GALNT9: variants seen among roughly 807,000 people sequenced by gnomAD.
GALNT9 encodes polypeptide N-acetylgalactosaminyltransferase 9, also known as GalNAc transferase 9.
GALNT9 carries 47 observed loss-of-function variants against 63.1 expected under a neutral mutation model. The observed-to-expected ratio is 0.75, with a 90% CI of 0.59 to 0.95. GALNT9 has a LOEUF of 0.95. Among genes scored for constraint, GALNT9 ranks in the 40% least tolerant of loss-of-function variants. GALNT9 has a pLI of 0.00. For missense variants in GALNT9, 829 were observed against 874.8 expected (o/e 0.95, Z 0.66); for synonymous variants, 396 against 365.7 (o/e 1.08, Z -0.94).
rs868969824 is a variant in GALNT9, at chr12:132,291,355, T to A, written c.239-4925A>T. 6.2e-4 allele frequency among the ~76,000 whole-genome samples: 33 copies of A among 53,472 alleles called. 1 individual carries two copies. Among genetic ancestry groups the A allele is most frequent in the African/African-American group, 4.1e-3 (26 of 6,406 alleles). 35.1% of individuals were successfully genotyped at this position (53,472 alleles called of 152,430 possible). A position where few individuals can be genotyped will look rare whatever the true frequency, so the allele number is the denominator to read the frequency against. ...AGCACCCACAACCACAGCACCCACG[T>A]CCACAGCACCCACGTCCACAGCACC... On this transcript the variant is annotated intron_variant, in intron 1 of 10. Transcript: ENST00000328957.
chr12:132,312,725 G>T (rs1394291618), intron 1 of GALNT9, among the ~76,000 whole-genome samples: 1 of 152,190 alleles, frequency 6.6e-6, no homozygotes, highest in African/African-American at 2.4e-5. Context: ...GAAGCCCCCA[G>T]TGGAGTCCAG....
chr12:132,231,137 A>G lies in GALNT9; in HGVS notation c.1077+16773T>C, dbSNP rs1474678722. 6.9e-5 allele frequency among the ~76,000 whole-genome samples: 6 copies of G among 87,246 alleles called. No individual in the cohort carries two copies. The Admixed American group carries it at 7.1e-4, about 10-fold the overall frequency. 57.2% of individuals were successfully genotyped at this position (87,246 alleles called of 152,430 possible). On this transcript the variant is annotated intron_variant, in intron 6 of 10. Transcript: ENST00000328957. ...ACTGCCACACACTCCATGGGGCGAC[A>G]GAGGAGACAGCGTGGAGCCCCTAGT... is the stretch of plus-strand genomic sequence containing the variant.
chr12:132,203,899 G>A (rs576683180), intron 6 of GALNT9, among the ~76,000 whole-genome samples: 4 of 152,100 alleles, frequency 2.6e-5, no homozygotes, highest in Non-Finnish European at 4.4e-5. Flanking sequence ...TCTGGGTTGC[G>A]TCCTCTCTGG....
In GALNT9 at chr12:132,319,693, C is replaced by T. The variant is rs149182765; in HGVS notation, c.238+9273G>A. On this transcript the variant is annotated intron_variant, in intron 1 of 10. Transcript: ENST00000328957. The surrounding 1 kb of genome is among the most constrained non-coding windows in gnomAD (Gnocchi z 5.2). ...TCTGGGGCAGGTCAACACCCCACTCCGCCACACACACAGCTGTACCCGGCA... is the reference window on the plus strand; with the variant it reads ...TCTGGGGCAGGTCAACACCCCACTCTGCCACACACACAGCTGTACCCGGCA... Among the ~76,000 whole-genome samples the T allele has an allele frequency of 2.0e-5, 3 of 152,314 alleles. No homozygotes were observed. The highest frequency in any genetic ancestry group is 2.0e-4 in the Admixed American group (3 of 15,304).
chr12:132,273,254 C>G (rs1200915488), intron 2 of GALNT9: 1 of 152,438 alleles, frequency 6.6e-6, no homozygotes, highest in Non-Finnish European at 1.5e-5. Context: ...TCCCGAGTAG[C>G]TGAGATTACA....
intron 6 of GALNT9, among the ~76,000 whole-genome samples, chr12:132,243,269 A>G (rs1380593456): frequency 5.5e-4 from 61 of 110,018 alleles, no homozygotes; most frequent in South Asian, 1.4e-3. Context: ...TATACCCATT[A>G]CACACACAAC....
At position 132,329,296 on chromosome 12, in the gene GALNT9, C is replaced by T; in HGVS notation, c.-93G>A. On this transcript the variant is annotated 5_prime_UTR_variant, in exon 1 of 11. Transcript: ENST00000328957. The stretch of plus-strand genomic sequence containing the variant: ...AGCTTCGGCTTCGGGGACCATGAGC[C>T]GCCCGGGGCTGCGGGGGCTGCGGGG... 3.4e-6 allele frequency: 5 copies of T among 1,458,656 alleles called. No individual in the cohort carries two copies. The highest frequency in any genetic ancestry group is 4.5e-6 in the Non-Finnish European group (5 of 1,101,198). The allele number at this position is 1,458,656 out of a possible 1,614,324, so 90.4% of individuals were successfully genotyped here.
chr12:132,303,471 CCTCACCCGGGCA>C (rs1881402856), intron 1 of GALNT9, among the ~76,000 whole-genome samples: 2 of 127,100 alleles, frequency 1.6e-5, no homozygotes, highest in African/African-American at 6.0e-5. Flanking sequence ...CCGGACACAC[CCTCACCCGGGCA>C]CAGAATCGCC....
At chr12:132,239,595 G>T (rs1422380099) in intron 6 of GALNT9, among the ~76,000 whole-genome samples, 1 of 151,632 alleles carries the variant, frequency 6.6e-6, no homozygotes, top group Non-Finnish European at 1.5e-5. Context: ...CAGAGAGACA[G>T]AGAGAGACAC....
chr12:132,297,337 C>T (rs568635808), intron 1 of GALNT9, among the ~76,000 whole-genome samples: 1 of 151,790 alleles, frequency 6.6e-6, no homozygotes, highest in South Asian at 2.1e-4. Flanking sequence ...AGATGACCAA[C>T]TCACTCCCAA....
intron 6 of GALNT9, chr12:132,240,713 G>A (rs1209304711): frequency 6.6e-6 from 3 of 455,744 alleles, no homozygotes; most frequent in Admixed American, 2.4e-5. Flanking sequence ...TTATCTTGCT[G>A]GAACCCTTCT....
intron 5 of GALNT9, among the ~76,000 whole-genome samples, chr12:132,253,169 A>G (rs576301493): frequency 1.3e-5 from 2 of 152,312 alleles, no homozygotes; most frequent in South Asian, 2.1e-4. Flanking sequence ...ACGAACTCCA[A>G]AGAGGAACCA....
At chr12:132,261,692 G>A (rs2135544775) in intron 3 of GALNT9, among the ~76,000 whole-genome samples, 1 of 152,366 alleles carries the variant, frequency 6.6e-6, no homozygotes, top group African/African-American at 2.4e-5. Context: ...ACAGCCCCAT[G>A]GCACAGCCTC....
chr12:132,264,613 G>C (rs996414055), intron 2 of GALNT9, among the ~76,000 whole-genome samples: 1 of 152,240 alleles, frequency 6.6e-6, no homozygotes, highest in African/African-American at 2.4e-5. Flanking sequence ...CCTTCCAGGG[G>C]TTTGAGTCCA....
chr12:132,201,953 A>C (rs954822320), intron 7 of GALNT9, among the ~76,000 whole-genome samples: 1 of 152,180 alleles, frequency 6.6e-6, no homozygotes, highest in Non-Finnish European at 1.5e-5. Flanking sequence ...GCCCTGAGGG[A>C]GCACCTGCAC....
chr12:132,261,071 A>G lies in GALNT9; in HGVS notation c.638T>C (p.Leu213Pro). The change falls in exon 4 of 11, where the codon CTC (leucine) becomes CCC (proline). Residue 213 changes from leucine to proline, a missense_variant. Physicochemically the swap from Leu to Pro is moderately conservative, Grantham distance 98 (BLOSUM62 -3). Transcript: ENST00000328957. Reference protein sequence around the residue: ...DQYVNKRYPGLVKIVRNSRRE... With the variant: ...DQYVNKRYPGPVKIVRNSRRE... ...CCGGCTGTTGCGGACAATCTTCACGAGGCCTGGGTACCGCTTGTTGACGTA... is the reference window on the plus strand; with the variant it reads ...CCGGCTGTTGCGGACAATCTTCACGGGGCCTGGGTACCGCTTGTTGACGTA... The G allele has an allele frequency of 6.4e-7, 1 of 1,551,572 alleles. No homozygotes were observed. The highest frequency in any genetic ancestry group is 1.7e-4 in the Middle Eastern group (1 of 5,992).
chr12:132,276,380 C>T (rs569826046), intron 2 of GALNT9: 9 of 155,224 alleles, frequency 5.8e-5, no homozygotes, highest in Middle Eastern at 5.2e-4. Context: ...CCTATCTCCA[C>T]GATGGTACCT....
chr12:132,326,285 T>C (rs556909338), intron 1 of GALNT9, among the ~76,000 whole-genome samples: 1 of 152,382 alleles, frequency 6.6e-6, no homozygotes, highest in Admixed American at 6.5e-5. Context: ...TATGTGCAAC[T>C]GAAGATATTC....
intron 6 of GALNT9, among the ~76,000 whole-genome samples, chr12:132,243,738 A>T (rs1445449258): frequency 2.0e-5 from 3 of 152,002 alleles, no homozygotes; most frequent in Non-Finnish European, 4.4e-5. Flanking sequence ...GGCTCTCCCC[A>T]ACATGCCACC....
Sources: gnomAD v4.1 joint callset for allele counts (sites outside exome capture counted in the v4.1 genomes callset) on GRCh38, gnomAD v4.1.1 for gene constraint, Gnocchi (gnomAD v3.1) non-coding constraint, MANE v1.5 for transcripts, NCBI Gene and HGNC (gene_info 2026-07-23, HGNC 2026-07-21) for gene names.